Variants in DMD observed in about 807,000 individuals in gnomAD.
DMD encodes the protein mutant dystrophin.
In DMD, 63 loss-of-function variants were observed where a neutral mutation model predicts 330.1. The observed-to-expected ratio is 0.19, with a 90% CI of 0.16 to 0.24. DMD has a LOEUF of 0.24. DMD is among the 10% of genes least tolerant of loss of function. DMD has a pLI of 1.00. For missense variants in DMD, 3,344 were observed against 2,684.1 expected (o/e 1.25, Z -5.43); for synonymous variants, 1,223 against 959.8 (o/e 1.27, Z -5.07).
At chrX:32,726,241 A>C (rs1028579119) in intron 7 of DMD, among the ~76,000 whole-genome samples, 8 of 111,421 alleles carry the variant, frequency 7.2e-5, no homozygotes, top group African/African-American at 2.6e-4. Context: ...TATTAGTTCG[A>C]TAGATAAGGT....
intron 16 of DMD, among the ~76,000 whole-genome samples, chrX:32,548,423 T>A (rs904484224): frequency 7.1e-5 from 8 of 112,100 alleles, no homozygotes; most frequent in African/African-American, 2.6e-4. Flanking sequence ...GAAGGCTAGA[T>A]ATAATATTTA....
intron 44 of DMD, among the ~76,000 whole-genome samples, chrX:32,038,381 A>G (rs2095968932): frequency 8.9e-6 from 1 of 111,862 alleles, no homozygotes; most frequent in South Asian, 3.7e-4. Flanking sequence ...AGGTGAAACA[A>G]AAGTCCATCA....
At chrX:33,015,999 G>T (rs2093794930) in intron 2 of DMD, among the ~76,000 whole-genome samples, 1 of 111,042 alleles carries the variant, frequency 9.0e-6, no homozygotes, top group East Asian at 2.9e-4. Flanking sequence ...TTAAACAAAG[G>T]CTGGACGGTA....
chrX:33,301,575 A>T (rs754123768), intron 1 of DMD, among the ~76,000 whole-genome samples: 1 of 111,942 alleles, frequency 8.9e-6, no homozygotes, highest in East Asian at 2.8e-4. Flanking sequence ...TGAGACAGGT[A>T]ATTTATAAAC....
At chrX:31,146,461 C>A in intron 75 of DMD, 47 bp from the exon 76 acceptor site, 1 of 1,170,080 alleles carries the variant, frequency 8.5e-7, no homozygotes, top group African/African-American at 1.8e-5. Context: ...AATAAACATA[C>A]AAATGTATAA....
At chrX:32,301,770 T>C (rs2097524569) in intron 42 of DMD, among the ~76,000 whole-genome samples, 1 of 111,427 alleles carries the variant, frequency 9.0e-6, no homozygotes, top group Admixed American at 9.6e-5. Context: ...TATTTTTCAA[T>C]AATTTTTGTC....
chrX:32,969,190 C>T (rs1347630814), intron 2 of DMD, among the ~76,000 whole-genome samples: 3 of 107,506 alleles, frequency 2.8e-5, no homozygotes, highest in Non-Finnish European at 3.8e-5. Flanking sequence ...GAACTAGGAG[C>T]AACACATTTC....
intron 60 of DMD, among the ~76,000 whole-genome samples, chrX:31,434,946 C>A (rs2064403593): frequency 8.9e-6 from 1 of 111,916 alleles, no homozygotes; most frequent in African/African-American, 3.2e-5. Flanking sequence ...AGGGTCGAAT[C>A]ATAAATGAAT....
At chrX:32,258,012 C>G (rs1322065059) in intron 43 of DMD, among the ~76,000 whole-genome samples, 3 of 108,660 alleles carry the variant, frequency 2.8e-5, no homozygotes, top group African/African-American at 1.0e-4. Context: ...AGGATATGAA[C>G]AGACACTTCT....
chrX:31,407,556 T>C (rs1221031530), intron 60 of DMD, among the ~76,000 whole-genome samples: 2 of 105,420 alleles, frequency 1.9e-5, no homozygotes, highest in Non-Finnish European at 3.9e-5. Context: ...ACTGCGAGCT[T>C]CACCTCCCGG....
chrX:31,805,549 T>C (rs2092262423), intron 50 of DMD, among the ~76,000 whole-genome samples: 1 of 112,060 alleles, frequency 8.9e-6, no homozygotes, highest in Non-Finnish European at 1.9e-5. Context: ...TTTCTTTGTA[T>C]TTTTTGATGC....
Position 32,205,010 on chromosome X carries a change from T to TACACACACACACAC in DMD, c.6438+11892_6438+11905dup, listed in dbSNP as rs57507348. Among the ~76,000 whole-genome samples the TACACACACACACAC allele has an allele frequency of 4.3e-4, 23 of 53,046 alleles. 1 individual carries two copies. The highest frequency in any genetic ancestry group is 1.3e-3 in the Admixed American group (5 of 3,720). 46.1% of individuals were successfully genotyped at this position (53,046 alleles called of 115,157 possible). A position where few individuals can be genotyped will look rare whatever the true frequency, so the allele number is the denominator to read the frequency against. ...TCTCTCTCTCTCTCTCTCTCTCACATACACACACACACACACACACACACA... is the reference window on the plus strand; with the variant it reads ...TCTCTCTCTCTCTCTCTCTCTCACATACACACACACACACACACACACACACACACACACACACA... On this transcript the variant is annotated intron_variant, in intron 44 of 78. Coordinates refer to ENST00000357033, the MANE Select transcript of DMD (RefSeq NM_004006.3).
intron 48 of DMD, among the ~76,000 whole-genome samples, chrX:31,853,502 G>C (rs2093565767): frequency 8.9e-6 from 1 of 111,940 alleles, no homozygotes; most frequent in Non-Finnish European, 1.9e-5. Context: ...GTTGGGGCAA[G>C]TCATTTAACT....
chrX:31,832,467 T>C (rs931837987), intron 49 of DMD, among the ~76,000 whole-genome samples: 24 of 111,998 alleles, frequency 2.1e-4, no homozygotes, highest in Non-Finnish European at 3.8e-4. Flanking sequence ...CTGACTGTAA[T>C]TGAAAATGAC....
intron 6 of DMD, among the ~76,000 whole-genome samples, chrX:32,811,267 C>T (rs1466403752): frequency 9.1e-6 from 1 of 109,762 alleles, no homozygotes; most frequent in Admixed American, 9.8e-5. Context: ...ATCACTTGAG[C>T]CTGGGTGGCT....
intron 44 of DMD, among the ~76,000 whole-genome samples, chrX:32,005,802 T>C (rs1057173556): frequency 2.7e-5 from 3 of 111,877 alleles, no homozygotes; most frequent in Non-Finnish European, 5.7e-5. Flanking sequence ...TCAAACTTGA[T>C]GACTTATTTC....
intron 10 of DMD, among the ~76,000 whole-genome samples, chrX:32,644,623 A>G (rs1218428937): frequency 1.8e-5 from 2 of 110,525 alleles, no homozygotes; most frequent in African/African-American, 6.6e-5. Context: ...GGGAAGGGAA[A>G]GAAGCCAAAC....
At chrX:31,762,666 G>A (rs1406386272) in intron 51 of DMD, among the ~76,000 whole-genome samples, 1 of 111,918 alleles carries the variant, frequency 8.9e-6, no homozygotes, top group Non-Finnish European at 1.9e-5. Flanking sequence ...CGGTTTTGGA[G>A]GTGCTGCACT....
At chrX:32,411,974 T>C in intron 29 of DMD, 61 bp from the exon 30 acceptor site, 1 of 1,192,481 alleles carries the variant, frequency 8.4e-7, no homozygotes, top group Non-Finnish European at 1.1e-6. Context: ...TTTTCTGTAA[T>C]CCTGCTGAAC....
Sources: allele counts gnomAD v4.1 joint callset (sites outside exome capture counted in the v4.1 genomes callset), GRCh38; gene constraint gnomAD v4.1.1; transcripts MANE v1.5; gene names NCBI Gene and HGNC (gene_info 2026-07-23, HGNC 2026-07-21).